The following SLC27A5 variants were observed in gnomAD, a reference collection of about 807,000 sequenced individuals.
SLC27A5 encodes the protein long-chain fatty acid transport protein 5.
SLC27A5 carries 47 observed loss-of-function variants against 63.1 expected under a neutral mutation model. The ratio of observed to expected loss-of-function variants is 0.74; its 90% CI spans 0.59 to 0.95. The LOEUF is 0.95. Among genes scored for constraint, SLC27A5 ranks in the 40% least tolerant of loss-of-function variants. SLC27A5 has a pLI of 0.00. For synonymous variants in SLC27A5, 391 were observed against 403.8 expected (o/e 0.97, Z 0.38); for missense variants, 940 against 921.0 (o/e 1.02, Z -0.27).
chr19:58,501,392 G>T lies in SLC27A5; in HGVS notation c.1076C>A (p.Ala359Asp). 1 of 1,613,620 alleles carries T rather than the reference G, an allele frequency of 6.2e-7. No individual in the cohort carries two copies. Among genetic ancestry groups the T allele is most frequent in the Non-Finnish European group, 8.5e-7 (1 of 1,179,716 alleles). ...CLDLGATCVL[A>D]PKFSTSCFWD... ...GAAGCAGGAAGTAGAGAACTTGGGGGCCAGAACACAGGTGGCTCCTGGGAG... is the reference window on the plus strand; with the variant it reads ...GAAGCAGGAAGTAGAGAACTTGGGGTCCAGAACACAGGTGGCTCCTGGGAG... The change falls in exon 4 of 10, where the codon GCC becomes GAC. Residue 359 changes from alanine to aspartate, a missense_variant. Coordinates refer to ENST00000263093, the MANE Select transcript of SLC27A5 (RefSeq NM_012254.3).
intron 3 of SLC27A5, among the ~76,000 whole-genome samples, chr19:58,505,570 G>A (rs751609417): frequency 1.5e-4 from 22 of 150,206 alleles, no homozygotes; most frequent in African/African-American, 4.6e-4. Context: ...TTGGCCGGGC[G>A]CAGTGGCTCA....
intron 3 of SLC27A5, among the ~76,000 whole-genome samples, chr19:58,503,537 C>T (rs1432729527): frequency 6.6e-6 from 1 of 152,004 alleles, no homozygotes; most frequent in African/African-American, 2.4e-5. Flanking sequence ...GTGGCGCACA[C>T]CTGTAGTCCC....
At chr19:58,507,709 C>T (rs2053362953) in intron 3 of SLC27A5, 1 of 152,098 alleles carries the variant, frequency 6.6e-6, no homozygotes, top group South Asian at 2.1e-4. Context: ...AAATTATTTT[C>T]CTAGCAAGGA....
At chr19:58,504,729 G>T (rs1165334348) in intron 3 of SLC27A5, among the ~76,000 whole-genome samples, 1 of 150,846 alleles carries the variant, frequency 6.6e-6, no homozygotes, top group Non-Finnish European at 1.5e-5. Context: ...ACTGGCCCTG[G>T]GCGCGGTGGC....
In SLC27A5 at chr19:58,511,726, G is replaced by T; in HGVS notation, c.230C>A (p.Pro77Gln). ...AAAALALTLL[P>Q]ARLPPGLRWL... ...GCGTAGTCCTGGGGGCAGCCGTGCT[G>T]GCAGGAGGGTTAGTGCCAGGGCCGC... is the stretch of plus-strand genomic sequence containing the variant. Residue 77 changes from proline (P) to glutamine (Q), a missense_variant, in exon 1 of 10, where the codon CCA (proline) becomes CAA (glutamine). By Grantham distance (76) the Pro-to-Gln change is moderately conservative (BLOSUM62 -1). Coordinates refer to ENST00000263093, the MANE Select transcript of SLC27A5 (RefSeq NM_012254.3). 1 of 1,556,164 alleles carries T rather than the reference G, an allele frequency of 6.4e-7. No homozygotes were observed. The highest frequency in any genetic ancestry group is 2.4e-5 in the East Asian group (1 of 41,760).
intron 3 of SLC27A5, 179 bp downstream of exon 3, chr19:58,509,668 T>C (rs2053387432): frequency 5.5e-6 from 3 of 543,588 alleles, no homozygotes; most frequent in South Asian, 5.5e-5. Flanking sequence ...CATCAGGGAC[T>C]GTGTGGGTGT....
intron 3 of SLC27A5, among the ~76,000 whole-genome samples, chr19:58,503,869 T>C (rs529362662): frequency 6.6e-6 from 1 of 152,242 alleles, no homozygotes; most frequent in Non-Finnish European, 1.5e-5. Flanking sequence ...TCTCAGCACT[T>C]TGGGAGGCCA....
intron 3 of SLC27A5, among the ~76,000 whole-genome samples, chr19:58,503,095 C>G (rs2053301853): frequency 1.3e-5 from 2 of 151,712 alleles, no homozygotes; most frequent in South Asian, 4.2e-4. Flanking sequence ...GTCCCAGCTA[C>G]TCGGGAGGCT....
At position 58,498,912 on chromosome 19, in the gene SLC27A5, C is replaced by T. The variant is rs138205034; in HGVS notation, c.1769G>A (p.Cys590Tyr). Reference sequence around the variant, plus strand: ...AGCAGCCATGCCCACCTTACCCTCACAACCTAGAGAGCAGTCTGGTCACTC... The same window carrying T: ...AGCAGCCATGCCCACCTTACCCTCATAACCTAGAGAGCAGTCTGGTCACTC... ...VNVYGVCVPGCEGKVGMAAVQ... is the reference protein window; with the variant it reads ...VNVYGVCVPGYEGKVGMAAVQ... Residue 590 changes from cysteine (C) to tyrosine (Y), a missense_variant, in exon 9 of 10, where the codon TGT becomes TAT. Transcript: ENST00000263093. 1 of 1,611,980 alleles carries T rather than the reference C, an allele frequency of 6.2e-7. No individual in the cohort carries two copies. The highest frequency in any genetic ancestry group is 8.5e-7 in the Non-Finnish European group (1 of 1,179,774).
At chr19:58,503,517 G>T (rs907327574) in intron 3 of SLC27A5, among the ~76,000 whole-genome samples, 7 of 151,850 alleles carry the variant, frequency 4.6e-5, no homozygotes, top group African/African-American at 1.2e-4. Context: ...GCAAAAATTA[G>T]CCAGGCGTGG....
intron 3 of SLC27A5, among the ~76,000 whole-genome samples, chr19:58,503,165 A>C (rs180673903): frequency 1.3e-5 from 2 of 151,056 alleles, no homozygotes; most frequent in African/African-American, 4.9e-5. Context: ...AGATAGCGCC[A>C]CTGCACTCCA....
chr19:58,502,262 A>G (rs2053282980), intron 3 of SLC27A5, among the ~76,000 whole-genome samples: 1 of 150,572 alleles, frequency 6.6e-6, no homozygotes, highest in Non-Finnish European at 1.5e-5. Context: ...GTGACAGAGT[A>G]GTGAGTGAGT....
rs1568633780 is a variant in SLC27A5 at position 58,510,306 on chromosome 19, G to A, written c.899-301C>T. The A allele has an allele frequency of 1.5e-5, 6 of 388,848 alleles. No homozygotes were observed. The Admixed American group carries it at 2.6e-4, about 17-fold the overall frequency. The allele number at this position is 388,848 out of a possible 1,614,324, so 24.1% of individuals were successfully genotyped here. A position where few individuals can be genotyped will look rare whatever the true frequency, so the allele number is the denominator to read the frequency against. On this transcript the variant is annotated intron_variant, in intron 2 of 9. Coordinates refer to ENST00000263093, the MANE Select transcript of SLC27A5 (RefSeq NM_012254.3). ...ATCAAAATCAAGTCTGGGAGCAGTGGCTCACGCCTGTAATCCCAGCATTTT... is the reference window on the plus strand; with the variant it reads ...ATCAAAATCAAGTCTGGGAGCAGTGACTCACGCCTGTAATCCCAGCATTTT...
chr19:58,501,676 T>C (rs2053275478), intron 3 of SLC27A5, among the ~76,000 whole-genome samples: 1 of 152,178 alleles, frequency 6.6e-6, no homozygotes, highest in South Asian at 2.1e-4. Context: ...ATATTAAATT[T>C]TTTATTTTTA....
chr19:58,498,711 G>A lies in SLC27A5; in HGVS notation c.1897-20C>T, dbSNP rs759268537. The A allele has an allele frequency of 1.2e-6, 2 of 1,611,824 alleles. No homozygotes were observed. The highest frequency in any genetic ancestry group is 4.5e-5 in the East Asian group (2 of 44,822). Reference sequence around the variant, plus strand: ...GGCGTCCTGCAGGGCAGTGACCATGGTCCAATCACTGTGACATCCACCCGC... The same window carrying A: ...GGCGTCCTGCAGGGCAGTGACCATGATCCAATCACTGTGACATCCACCCGC... On this transcript the variant is annotated intron_variant, in intron 9 of 9. Coordinates refer to ENST00000263093, the MANE Select transcript of SLC27A5 (RefSeq NM_012254.3).
rs773162541 is a variant in SLC27A5 at position 58,500,321 on chromosome 19, G to A, written c.1468+18C>T. ...TCGCCACCCCTGCCACCCAGGAAAG[G>A]CTCCTCAACCCCCATACCTAGCCCT... On this transcript the variant is annotated intron_variant, in intron 6 of 9. Coordinates refer to ENST00000263093, the MANE Select transcript of SLC27A5 (RefSeq NM_012254.3). 1.2e-6 allele frequency: 2 copies of A among 1,606,502 alleles called. No individual in the cohort carries two copies. Among genetic ancestry groups the A allele is most frequent in the Admixed American group, 3.3e-5 (2 of 59,960 alleles).
intron 4 of SLC27A5, 108 bp downstream of exon 4, chr19:58,501,178 T>C: frequency 7.1e-7 from 1 of 1,405,534 alleles, no homozygotes; most frequent in East Asian, 2.3e-5. Context: ...TTGCATGAGG[T>C]GTATTATCTG....
In SLC27A5 at chr19:58,510,825, C is replaced by T. The variant is rs551582417; in HGVS notation, c.794G>A (p.Gly265Glu). 3.2e-5 allele frequency: 51 copies of T among 1,613,362 alleles called. No individual in the cohort carries two copies. The South Asian group carries it at 5.3e-4, about 17-fold the overall frequency. ...GGAGGGCGCTGCATCCAGGGCAGCC[C>T]CCAGAGCCCCCACCCCTGGTGTAGG... is the stretch of plus-strand genomic sequence containing the variant. The part of the protein sequence containing the change: ...TSPTPGVGAL[G>E]AALDAAPSHP... Residue 265 changes from glycine to glutamate, a missense_variant, in exon 2 of 10, where the codon GGG becomes GAG. Physicochemically the swap from Gly to Glu is moderately conservative, Grantham distance 98 (BLOSUM62 -2). Coordinates refer to ENST00000263093, the MANE Select transcript of SLC27A5 (RefSeq NM_012254.3).
rs184499769 is a variant in SLC27A5 at position 58,510,786 on chromosome 19, G to T, written c.833C>A (p.Ala278Asp). The change falls in exon 2 of 10, where the codon GCT (alanine) becomes GAT (aspartate). Residue 278 changes from alanine to aspartate, a missense_variant. Coordinates refer to ENST00000263093, the MANE Select transcript of SLC27A5 (RefSeq NM_012254.3). ...CCATGTGATCCCAGCACGCAGGTCA[G>T]CAGGCACTGGGTGGGAGGGCGCTGC... The part of the protein sequence containing the change: ...LDAAPSHPVP[A>D]DLRAGITWRS... 6.2e-7 allele frequency: 1 copy of T among 1,613,654 alleles called. No individual in the cohort carries two copies. Among genetic ancestry groups the T allele is most frequent in the African/African-American group, 1.3e-5 (1 of 75,040 alleles).
Sources: gnomAD v4.1 joint callset for allele counts (sites outside exome capture counted in the v4.1 genomes callset) on GRCh38, gnomAD v4.1.1 for gene constraint, MANE v1.5 for transcripts, NCBI Gene and HGNC (gene_info 2026-07-23, HGNC 2026-07-21) for gene names.